SYN3: variants seen among roughly 807,000 people sequenced by gnomAD.
SYN3 encodes synapsin III.
A neutral mutation model predicts 65.8 loss-of-function variants in SYN3; 35 were observed. That is an observed-to-expected ratio of 0.53 (90% CI 0.41 to 0.70). The LOEUF (loss-of-function observed/expected upper bound fraction) is 0.70. SYN3 is among the 30% of genes least tolerant of loss of function. The pLI, the probability that SYN3 is intolerant of heterozygous loss-of-function variation, is 0.00. For missense variants in SYN3, 680 were observed against 749.0 expected (o/e 0.91, Z 1.08); for synonymous variants, 270 against 292.9 (o/e 0.92, Z 0.80).
At chr22:32,569,567 C>CTATATATATA (rs1225222696) in intron 7 of SYN3, among the ~76,000 whole-genome samples, 6 of 64,442 alleles carry the variant, frequency 9.3e-5, no homozygotes, top group Non-Finnish European at 9.5e-5. Flanking sequence ...CTCTCTCTCT[C>CTATATATATA]TCTCTATATA....
At chr22:32,569,302 C>CTATCTATCTAT in intron 7 of SYN3, among the ~76,000 whole-genome samples, 1 of 61,204 alleles carries the variant, frequency 1.6e-5, no homozygotes. Context: ...TATCTATCTA[C>CTATCTATCTAT]ACCTATCTAT....
rs563232641 is a variant in SYN3 at position 32,699,792 on chromosome 22, G to C, written c.712-103056C>G. Reference sequence around the variant, plus strand: ...ATACAAGTGCATTTGTAGGAAACAGGGTGTCTGTCTTAATGGGAATATCAG... The same window carrying C: ...ATACAAGTGCATTTGTAGGAAACAGCGTGTCTGTCTTAATGGGAATATCAG... On this transcript the variant is annotated intron_variant, in intron 6 of 13. Transcript: ENST00000358763. Among the ~76,000 whole-genome samples, 3 of 152,218 alleles carry C rather than the reference G, an allele frequency of 2.0e-5. No homozygotes were observed. In the South Asian group the frequency reaches 6.2e-4, roughly 32 times the overall value.
intron 7 of SYN3, among the ~76,000 whole-genome samples, chr22:32,574,297 TA>T (rs1324141498): frequency 6.6e-6 from 1 of 151,874 alleles, no homozygotes; most frequent in South Asian, 2.1e-4. Flanking sequence ...CTGGACAACA[TA>T]GTGAGACCCT....
chr22:32,824,053 C>A (rs2047332495), intron 6 of SYN3, among the ~76,000 whole-genome samples: 1 of 152,028 alleles, frequency 6.6e-6, no homozygotes, highest in Non-Finnish European at 1.5e-5. Context: ...CCAAGGGTGG[C>A]GGATCATGAG....
rs566229007 is a variant in SYN3 at position 32,726,115 on chromosome 22, T to C, written c.712-129379A>G. 4.6e-5 allele frequency among the ~76,000 whole-genome samples: 7 copies of C among 151,806 alleles called. No individual in the cohort carries two copies. In the East Asian group the frequency reaches 7.7e-4, roughly 17 times the overall value. On this transcript the variant is annotated intron_variant, in intron 6 of 13. Coordinates refer to ENST00000358763, the MANE Select transcript of SYN3 (RefSeq NM_003490.4). The stretch of plus-strand genomic sequence containing the variant: ...TTCCCATGAAATATTCAATAAAGTC[T>C]AGATAATAATAACTAGTAATCCAGT...
At chr22:32,887,417 G>T (rs1267269462) in intron 4 of SYN3, among the ~76,000 whole-genome samples, 1 of 151,968 alleles carries the variant, frequency 6.6e-6, no homozygotes, top group African/African-American at 2.4e-5. Context: ...ACTTCCCGCT[G>T]ATAACCAGCA....
chr22:32,709,527 A>G (rs1331606249), intron 6 of SYN3, among the ~76,000 whole-genome samples: 1 of 152,232 alleles, frequency 6.6e-6, no homozygotes. Context: ...CCATTTCATC[A>G]GGTTTGTTGA....
chr22:32,536,579 G>C (rs190362340), intron 9 of SYN3, among the ~76,000 whole-genome samples: 1 of 152,362 alleles, frequency 6.6e-6, no homozygotes, highest in Admixed American at 6.5e-5. Context: ...CAGCGTTGCA[G>C]TGTCTTGGGC....
chr22:32,513,960 C>A, intron 13 of SYN3, 136 bp from the exon 14 acceptor site: 1 of 1,088,480 alleles, frequency 9.2e-7, no homozygotes, highest in Non-Finnish European at 1.3e-6. Context: ...CCAGGCATTC[C>A]AATGCTTACA....
intron 7 of SYN3, among the ~76,000 whole-genome samples, chr22:32,564,366 TG>T (rs1242429123): frequency 1.3e-5 from 2 of 152,210 alleles, no homozygotes; most frequent in Non-Finnish European, 2.9e-5. Context: ...ACTGGGAATC[TG>T]GCTTCGCAGC....
chr22:32,998,342 T>C (rs1471025543), intron 2 of SYN3, among the ~76,000 whole-genome samples: 2 of 152,174 alleles, frequency 1.3e-5, no homozygotes, highest in African/African-American at 2.4e-5. Flanking sequence ...CTCCACCAGA[T>C]GGATGGTAGC....
intron 6 of SYN3, among the ~76,000 whole-genome samples, chr22:32,774,863 T>C (rs1177850922): frequency 6.6e-6 from 1 of 152,194 alleles, no homozygotes; most frequent in Admixed American, 6.5e-5. Context: ...CTTTGCACTT[T>C]TAAATGAGCA....
rs183631281 is a variant in SYN3, at chr22:32,519,195, T to G, written c.1319-861A>C. On this transcript the variant is annotated intron_variant, in intron 12 of 13. Coordinates refer to ENST00000358763, the MANE Select transcript of SYN3 (RefSeq NM_003490.4). ...TCAAGGCAGCCTGAGAAAACTAATA[T>G]AGGCAGGATCTGCGATTCTGCATTT... is the stretch of plus-strand genomic sequence containing the variant. Among the ~76,000 whole-genome samples the G allele has an allele frequency of 2.9e-3, 444 of 152,270 alleles. 1 individual carries two copies. Among genetic ancestry groups the G allele is most frequent in the African/African-American group, 0.01 (427 of 41,566 alleles).
rs2049308729 is a variant in SYN3 at position 32,886,929 on chromosome 22, C to G, written c.462-17804G>C. The stretch of plus-strand genomic sequence containing the variant: ...TGTTCAAGCCCTTACATGCTTCTCC[C>G]CCGGAGGGGGTGGGATCTGTGACTG... On this transcript the variant is annotated intron_variant, in intron 4 of 13. Transcript: ENST00000358763. Among the ~76,000 whole-genome samples, 5 of 152,250 alleles carry G rather than the reference C, an allele frequency of 3.3e-5. No individual in the cohort carries two copies. The South Asian group carries it at 8.3e-4, about 25-fold the overall frequency.
chr22:32,989,295 A>G (rs1322106545), intron 2 of SYN3, among the ~76,000 whole-genome samples: 1 of 152,146 alleles, frequency 6.6e-6, no homozygotes, highest in Non-Finnish European at 1.5e-5. Context: ...CCCCTGACAC[A>G]TGGCAGGTGT....
chr22:32,779,782 C>T (rs1030676699), intron 6 of SYN3, among the ~76,000 whole-genome samples: 1 of 152,040 alleles, frequency 6.6e-6, no homozygotes, highest in African/African-American at 2.4e-5. Flanking sequence ...AGGTTACTAC[C>T]GTGATGTCCT....
intron 3 of SYN3, among the ~76,000 whole-genome samples, chr22:32,954,216 G>C (rs539653046): frequency 2.6e-5 from 4 of 152,286 alleles, no homozygotes. Flanking sequence ...GAGACTTCAA[G>C]GTTGGGGAGA....
chr22:32,753,556 C>G (rs2045203389), intron 6 of SYN3, among the ~76,000 whole-genome samples: 1 of 152,222 alleles, frequency 6.6e-6, no homozygotes, highest in South Asian at 2.1e-4. Context: ...TCACTGGCTC[C>G]CCACGTTTCA....
At chr22:32,745,049 G>A (rs1477448990) in intron 6 of SYN3, among the ~76,000 whole-genome samples, 2 of 151,072 alleles carry the variant, frequency 1.3e-5, no homozygotes, top group African/African-American at 2.5e-5. Flanking sequence ...GGGAAGAAAC[G>A]GCACTCTTCT....
Sources: allele counts gnomAD v4.1 joint callset (sites outside exome capture counted in the v4.1 genomes callset), GRCh38; gene constraint gnomAD v4.1.1; transcripts MANE v1.5; gene names NCBI Gene and HGNC (gene_info 2026-07-23, HGNC 2026-07-21).